LSAMP: variants seen among roughly 807,000 people sequenced by gnomAD.
LSAMP encodes limbic system-associated membrane protein.
A neutral mutation model predicts 38.6 loss-of-function variants in LSAMP; 7 were observed. The observed-to-expected ratio is 0.18, with a 90% CI of 0.10 to 0.34. The LOEUF (loss-of-function observed/expected upper bound fraction) is 0.34, where lower values mean the gene tolerates loss of function less well. LSAMP is among the 10% of genes least tolerant of loss of function. The pLI is 1.00. For missense variants in LSAMP, 313 were observed against 420.0 expected, an observed-to-expected ratio of 0.75 and a Z score of 2.23; for synonymous variants, 154 against 166.8, an observed-to-expected ratio of 0.92 and a Z score of 0.59.
chr3:116,005,372 A>T (rs79868719), intron 3 of LSAMP, among the ~76,000 whole-genome samples: 3 of 152,130 alleles, frequency 2.0e-5, no homozygotes, highest in Non-Finnish European at 4.4e-5. Context: ...GTCCTTACAG[A>T]CTGGCCATGG....
At chr3:115,863,523 A>G (rs1935768814) in intron 3 of LSAMP, among the ~76,000 whole-genome samples, 1 of 129,438 alleles carries the variant, frequency 7.7e-6, no homozygotes, top group South Asian at 2.4e-4. Flanking sequence ...ATTCAAATAA[A>G]GGATAAAAAT....
intron 1 of LSAMP, among the ~76,000 whole-genome samples, chr3:116,231,280 A>G (rs574756742): frequency 9.2e-5 from 14 of 152,290 alleles, no homozygotes; most frequent in Middle Eastern, 3.4e-3. Context: ...TCACATATTC[A>G]ATCATTGATG....
At chr3:116,356,226 A>G (rs2048221971) in intron 1 of LSAMP, among the ~76,000 whole-genome samples, 1 of 152,236 alleles carries the variant, frequency 6.6e-6, no homozygotes, top group East Asian at 1.9e-4. Flanking sequence ...TACATATTAT[A>G]TACAATGGAG....
chr3:115,819,521 T>A (rs1296316607), intron 6 of LSAMP, among the ~76,000 whole-genome samples: 1 of 152,064 alleles, frequency 6.6e-6, no homozygotes, highest in Non-Finnish European at 1.5e-5. Context: ...GTCACTGGCA[T>A]AGGTGTGGGT....
intron 3 of LSAMP, among the ~76,000 whole-genome samples, chr3:115,953,126 G>A (rs1318373224): frequency 1.3e-5 from 2 of 152,050 alleles, no homozygotes; most frequent in African/African-American, 4.8e-5. Context: ...AGAAGAGATG[G>A]CCATGGGGTA....
At chr3:115,818,733 T>TTATA (rs1328291958) in intron 6 of LSAMP, among the ~76,000 whole-genome samples, 1 of 121,548 alleles carries the variant, frequency 8.2e-6, no homozygotes, top group Non-Finnish European at 1.7e-5. Flanking sequence ...TCCAAAGAAT[T>TTATA]TATATATATA....
intron 3 of LSAMP, among the ~76,000 whole-genome samples, chr3:115,854,530 G>A (rs1022470536): frequency 6.6e-6 from 1 of 151,996 alleles, no homozygotes; most frequent in Non-Finnish European, 1.5e-5. Context: ...TTTTTAAGAG[G>A]TTAATTTTTT....
chr3:116,428,480 G>A (rs972804381), intron 1 of LSAMP, among the ~76,000 whole-genome samples: 1 of 152,004 alleles, frequency 6.6e-6, no homozygotes, highest in South Asian at 2.1e-4. Context: ...CTGTTTTTAA[G>A]GAAATGTCCA....
intron 3 of LSAMP, among the ~76,000 whole-genome samples, chr3:115,855,147 C>T (rs1217076555): frequency 3.9e-5 from 6 of 152,088 alleles, no homozygotes; most frequent in Non-Finnish European, 5.9e-5. Context: ...GTCCCTACTT[C>T]GCTTTTTGAA....
intron 1 of LSAMP, among the ~76,000 whole-genome samples, chr3:116,139,149 C>T (rs1279836041): frequency 6.6e-6 from 1 of 151,800 alleles, no homozygotes; most frequent in Non-Finnish European, 1.5e-5. Flanking sequence ...TGAAAGGTAA[C>T]AGTACTTTTA....
At chr3:115,951,475 G>A (rs768843414) in intron 3 of LSAMP, among the ~76,000 whole-genome samples, 23 of 152,234 alleles carry the variant, frequency 1.5e-4, no homozygotes, top group Admixed American at 1.3e-4. Context: ...AATATTTAGC[G>A]TCAACTTGAT....
chr3:116,088,251 G>C (rs550704459), intron 1 of LSAMP, among the ~76,000 whole-genome samples: 1 of 151,988 alleles, frequency 6.6e-6, no homozygotes, highest in Admixed American at 6.6e-5. Flanking sequence ...TTACCTATTT[G>C]TTTTCATAAA....
intron 1 of LSAMP, among the ~76,000 whole-genome samples, chr3:116,329,663 C>A (rs1432973925): frequency 6.6e-6 from 1 of 151,988 alleles, no homozygotes; most frequent in African/African-American, 2.4e-5. Flanking sequence ...ACATATTATT[C>A]AAAAATTTCG....
At chr3:116,037,090 T>C (rs1941064242) in intron 2 of LSAMP, among the ~76,000 whole-genome samples, 1 of 152,140 alleles carries the variant, frequency 6.6e-6, no homozygotes, top group Admixed American at 6.6e-5. Context: ...TGTATTAGTT[T>C]CCCTTACTGA....
intron 1 of LSAMP, among the ~76,000 whole-genome samples, chr3:116,391,255 T>A (rs1559851427): frequency 1.3e-5 from 2 of 151,594 alleles, no homozygotes; most frequent in Non-Finnish European, 2.9e-5. Context: ...CAGGAGCAGC[T>A]GCGGGAGCAG....
chr3:116,316,781 A>AG (rs1355016482), intron 1 of LSAMP, among the ~76,000 whole-genome samples: 9 of 151,092 alleles, frequency 6.0e-5, no homozygotes, highest in Admixed American at 5.9e-4. Flanking sequence ...AAAAAAAGAA[A>AG]AAAAAAAAAA....
intron 1 of LSAMP, among the ~76,000 whole-genome samples, chr3:116,112,811 T>G (rs574312346): frequency 2.2e-4 from 34 of 152,348 alleles, no homozygotes; most frequent in African/African-American, 7.5e-4. Context: ...TTGGCTACCC[T>G]ACCCAACAAT....
intron 2 of LSAMP, among the ~76,000 whole-genome samples, chr3:116,042,164 C>T (rs1576327412): frequency 6.6e-6 from 1 of 152,182 alleles, no homozygotes; most frequent in East Asian, 1.9e-4. Flanking sequence ...TTTAGGATTA[C>T]CTATTATCAT....
At chr3:116,068,854 C>A (rs1165736946) in intron 2 of LSAMP, among the ~76,000 whole-genome samples, 1 of 152,120 alleles carries the variant, frequency 6.6e-6, no homozygotes, top group Non-Finnish European at 1.5e-5. Context: ...GGAGCTTGCA[C>A]TAGTAGAGGA....
Sources: gnomAD v4.1 joint callset for allele counts (sites outside exome capture counted in the v4.1 genomes callset) on GRCh38, gnomAD v4.1.1 for gene constraint, MANE v1.5 for transcripts, NCBI Gene and HGNC (gene_info 2026-07-23, HGNC 2026-07-21) for gene names.